Variants in AK3 observed in about 807,000 individuals in gnomAD.
The protein encoded by AK3 is adenylate kinase 3.
Under a neutral mutation model 23.7 loss-of-function variants are expected in AK3, and 27 were observed. That is an observed-to-expected ratio of 1.14 (90% CI 0.84 to 1.57). AK3 has a LOEUF of 1.57. Ranked by LOEUF, AK3 falls within the 40% of genes most tolerant of loss-of-function variation. The pLI is 0.00. For synonymous variants in AK3, 159 were observed against 116.0 expected (o/e 1.37, Z -2.38); for missense variants, 406 against 285.6 (o/e 1.42, Z -3.04).
At chr9:4,714,161 C>T (rs548330588) in intron 4 of AK3, among the ~76,000 whole-genome samples, 5 of 128,400 alleles carry the variant, frequency 3.9e-5, no homozygotes, top group Non-Finnish European at 4.9e-5. Flanking sequence ...TCCACATACA[C>T]ACACCTCCAC....
rs58879200 is a variant in AK3, at chr9:4,734,669, AC to A, written c.151+6267del. Among the ~76,000 whole-genome samples, 559 of 152,348 alleles carry A rather than the reference AC, an allele frequency of 3.7e-3. 4 individuals carry two copies. Among genetic ancestry groups the A allele is most frequent in the African/African-American group, 0.013 (536 of 41,574 alleles). On this transcript the variant is annotated intron_variant, in intron 1 of 4. Coordinates refer to ENST00000381809, the MANE Select transcript of AK3 (RefSeq NM_016282.4). ...TGAGACAGTATTCATGACCAGGCTTACCTTTTTAAAATTGTTCTTTAAGTTA... is the reference window on the plus strand; with the variant it reads ...TGAGACAGTATTCATGACCAGGCTTACTTTTTAAAATTGTTCTTTAAGTTA...
chr9:4,714,049 T>TAC lies in AK3; in HGVS notation c.564-955_564-954dup, dbSNP rs1188867907. 4.0e-3 allele frequency among the ~76,000 whole-genome samples: 44 copies of TAC among 11,000 alleles called. 3 individuals are homozygous for TAC. The South Asian group carries it at 0.081, about 20-fold the overall frequency. 7.2% of individuals were successfully genotyped at this position (11,000 alleles called of 152,430 possible). ...AGCTACACATATACATCTACACATATACACCTACACATATACACACCTACA... is the reference window on the plus strand; with the variant it reads ...AGCTACACATATACATCTACACATATACACACCTACACATATACACACCTACA... On this transcript the variant is annotated intron_variant, in intron 4 of 4. Coordinates refer to ENST00000381809, the MANE Select transcript of AK3 (RefSeq NM_016282.4).
Position 4,711,574 on chromosome 9 carries a change from A to G in AK3, c.*1402T>C, listed in dbSNP as rs1247305233. ...GCACTTGTATTTTAAGTACCTGGGA[A>G]AAAAACGGAACAGATTTTTAAAGGC... On this transcript the variant is annotated 3_prime_UTR_variant, in exon 5 of 5. Coordinates refer to ENST00000381809, the MANE Select transcript of AK3 (RefSeq NM_016282.4). 1 of 152,470 alleles carries G rather than the reference A, an allele frequency of 6.6e-6. No individual in the cohort carries two copies. The highest frequency in any genetic ancestry group is 1.5e-5 in the Non-Finnish European group (1 of 68,036). 9.4% of individuals were successfully genotyped at this position (152,470 alleles called of 1,614,324 possible).
chr9:4,726,431 G>A (rs966246572), intron 1 of AK3, among the ~76,000 whole-genome samples: 35 of 152,172 alleles, frequency 2.3e-4, no homozygotes, highest in South Asian at 2.1e-4. Flanking sequence ...TAAATCCCTC[G>A]TTGCCAGTTG....
chr9:4,735,308 T>TATAAATATATATATAA (rs1842249904), intron 1 of AK3, among the ~76,000 whole-genome samples: 1 of 61,094 alleles, frequency 1.6e-5, no homozygotes, highest in East Asian at 3.8e-4. Flanking sequence ...TATATACATA[T>TATAAATATATATATAA]ATAAATATAT....
At chr9:4,719,779 G>C (rs575846557) in intron 2 of AK3, among the ~76,000 whole-genome samples, 16 of 152,130 alleles carry the variant, frequency 1.1e-4, no homozygotes, top group African/African-American at 3.9e-4. Context: ...CCAAATCCAG[G>C]GACTGGCCGG....
intron 1 of AK3, among the ~76,000 whole-genome samples, chr9:4,740,296 G>A (rs1457146571): frequency 6.7e-6 from 1 of 149,726 alleles, no homozygotes; most frequent in Non-Finnish European, 1.5e-5. Context: ...TGCCTTTCGT[G>A]CCGAGCTGTA....
chr9:4,719,124 C>A lies in AK3; in HGVS notation c.444+11G>T, dbSNP rs1454401966. The A allele has an allele frequency of 1.2e-6, 2 of 1,611,628 alleles. No individual in the cohort carries two copies. Among genetic ancestry groups the A allele is most frequent in the African/African-American group, 1.3e-5 (1 of 74,808 alleles). ...AGTCTGCTATGTGACAGTTCCACAA[C>A]AACTACTCACCACAGTTTTGGGAGG... On this transcript the variant is annotated intron_variant, in intron 3 of 4. Transcript: ENST00000381809.
upstream of AK3, chr9:4,742,015 TC>T (rs1842446184): frequency 6.6e-6 from 1 of 152,234 alleles, no homozygotes; most frequent in South Asian, 2.1e-4. Flanking sequence ...TGAGTGAGAC[TC>T]TTTTATAAAT....
intron 1 of AK3, among the ~76,000 whole-genome samples, chr9:4,736,829 C>T (rs1040791426): frequency 6.6e-6 from 1 of 152,166 alleles, no homozygotes; most frequent in Non-Finnish European, 1.5e-5. Context: ...AGGCACGTGC[C>T]ACCACATCCA....
At chr9:4,732,427 T>C (rs1036400154) in intron 1 of AK3, among the ~76,000 whole-genome samples, 1 of 152,228 alleles carries the variant, frequency 6.6e-6, no homozygotes, top group African/African-American at 2.4e-5. Flanking sequence ...GATTTTTGAC[T>C]ACACTAGGAA....
chr9:4,729,023 T>A (rs1227420614), intron 1 of AK3, among the ~76,000 whole-genome samples: 2 of 133,718 alleles, frequency 1.5e-5, no homozygotes, highest in Non-Finnish European at 1.7e-5. Context: ...ATATTTTTTT[T>A]TTTTGAGACG....
chr9:4,731,835 G>A (rs551026884), intron 1 of AK3, among the ~76,000 whole-genome samples: 1 of 152,064 alleles, frequency 6.6e-6, no homozygotes. Context: ...GCCACTCTTA[G>A]GCAACAAAAC....
At position 4,719,080 on chromosome 9, in the gene AK3, G is replaced by A. The variant is rs564399478; in HGVS notation, c.444+55C>T. 3.8e-6 allele frequency: 6 copies of A among 1,592,566 alleles called. No homozygotes were observed. The Admixed American group carries it at 1.0e-4, about 27-fold the overall frequency. ...AGTTCACTCAACTTATGTCTGTTAG[G>A]GCAAGAGGACTCAGGGACAGTCTGC... On this transcript the variant is annotated intron_variant, in intron 3 of 4. Transcript: ENST00000381809.
Position 4,713,014 on chromosome 9 carries a change from C to A in AK3, c.646G>T (p.Val216Phe). The A allele has an allele frequency of 6.2e-7, 1 of 1,613,650 alleles. No homozygotes were observed. Residue 216 changes from valine to phenylalanine, a missense_variant, in exon 5 of 5, where the codon GTT becomes TTT. Val to Phe is a conservative substitution (Grantham distance 50). Coordinates refer to ENST00000381809, the MANE Select transcript of AK3 (RefSeq NM_016282.4). The stretch of plus-strand genomic sequence containing the variant: ...GAAGCTTTCTGGCTTCTTTGTGGAA[C>A]TTTAGTTTGTAGGAAAGCATATACA... Reference protein sequence around the residue: ...PYVYAFLQTKVPQRSQKASVT... With the variant: ...PYVYAFLQTKFPQRSQKASVT...
At chr9:4,741,878 CCTT>C (rs1842443580), upstream of AK3, 1 of 152,678 alleles carries the variant, frequency 6.5e-6, no homozygotes, top group Non-Finnish European at 1.5e-5. Context: ...GCCCTTCCCT[CCTT>C]CCTCCTCCTC....
At chr9:4,719,964 C>T (rs1006758005) in intron 2 of AK3, among the ~76,000 whole-genome samples, 10 of 151,662 alleles carry the variant, frequency 6.6e-5, no homozygotes, top group Non-Finnish European at 1.3e-4. Flanking sequence ...AGTTGGGAGG[C>T]GAGGTGGGAG....
At chr9:4,718,653 T>G (rs1841803497) in intron 3 of AK3, 116 bp from the exon 4 acceptor site, 2 of 764,488 alleles carry the variant, frequency 2.6e-6, no homozygotes, top group Non-Finnish European at 4.2e-6. Context: ...CACAAAAATG[T>G]GCTAACTTTT....
At chr9:4,735,820 TAA>T (rs1424044799) in intron 1 of AK3, among the ~76,000 whole-genome samples, 1 of 151,686 alleles carries the variant, frequency 6.6e-6, no homozygotes, top group Non-Finnish European at 1.5e-5. Context: ...TATATTAATT[TAA>T]AATTGATGAA....
Sources: allele counts gnomAD v4.1 joint callset (sites outside exome capture counted in the v4.1 genomes callset), GRCh38; gene constraint gnomAD v4.1.1; transcripts MANE v1.5; gene names NCBI Gene and HGNC (gene_info 2026-07-23, HGNC 2026-07-21).